Variants in MAP3K4 observed in about 807,000 individuals in gnomAD.
The protein encoded by MAP3K4 is MAP three kinase 1.
MAP3K4 carries 67 observed loss-of-function variants against 185.6 expected under a neutral mutation model. That is an observed-to-expected ratio of 0.36 (90% CI 0.30 to 0.44). MAP3K4 has a LOEUF of 0.44. Among genes scored for constraint, MAP3K4 ranks in the 20% least tolerant of loss-of-function variants. The pLI is 1.00. For synonymous variants in MAP3K4, 702 were observed against 710.4 expected (o/e 0.99, Z 0.19); for missense variants, 1,551 against 1,995.1 (o/e 0.78, Z 4.24).
rs1263552573 is a variant in MAP3K4 at position 161,077,869 on chromosome 6, A to G, written c.2098-3012A>G. Reference sequence around the variant, plus strand: ...TTGCAAACTAAGGGAAAGAGATGGGAAAAAAATATATATATGTATTAATAT... The same window carrying G: ...TTGCAAACTAAGGGAAAGAGATGGGGAAAAAATATATATATGTATTAATAT... On this transcript the variant is annotated intron_variant, in intron 5 of 26. Coordinates refer to ENST00000392142, the MANE Select transcript of MAP3K4 (RefSeq NM_005922.4). The surrounding 1 kb of genome is among the most constrained non-coding windows in gnomAD (Gnocchi z 4.3). Among the ~76,000 whole-genome samples the G allele has an allele frequency of 1.3e-5, 2 of 152,176 alleles. No homozygotes were observed. The highest frequency in any genetic ancestry group is 4.8e-5 in the African/African-American group (2 of 41,522).
At chr6:161,025,711 A>G (rs1475273015) in intron 1 of MAP3K4, among the ~76,000 whole-genome samples, 1 of 152,254 alleles carries the variant, frequency 6.6e-6, no homozygotes, top group Non-Finnish European at 1.5e-5. Flanking sequence ...GGAGATTTTA[A>G]AAAATGTTCT....
At position 161,080,726 on chromosome 6, in the gene MAP3K4, A is replaced by G; in HGVS notation, c.2098-155A>G. The G allele has an allele frequency of 1.6e-6, 1 of 629,792 alleles. No individual in the cohort carries two copies. The highest frequency in any genetic ancestry group is 1.9e-5 in the South Asian group (1 of 53,438). 39.0% of individuals were successfully genotyped at this position (629,792 alleles called of 1,614,324 possible). A position where few individuals can be genotyped will look rare whatever the true frequency, so the allele number is the denominator to read the frequency against. ...AAAATCCTCATTTAGACCTCAGCTAACAGTGGTGAGAACCTTGCTTCTGTC... is the reference window on the plus strand; with the variant it reads ...AAAATCCTCATTTAGACCTCAGCTAGCAGTGGTGAGAACCTTGCTTCTGTC... On this transcript the variant is annotated intron_variant, in intron 5 of 26. Transcript: ENST00000392142. The surrounding 1 kb of genome is among the most constrained non-coding windows in gnomAD (Gnocchi z 4.8).
chr6:161,080,677 G>A lies in MAP3K4; in HGVS notation c.2098-204G>A, dbSNP rs1785408529. The A allele has an allele frequency of 1.2e-5, 6 of 521,204 alleles. No individual in the cohort carries two copies. The highest frequency in any genetic ancestry group is 2.3e-5 in the South Asian group (1 of 43,562). The allele number at this position is 521,204 out of a possible 1,614,324, so 32.3% of individuals were successfully genotyped here. A position where few individuals can be genotyped will look rare whatever the true frequency, so the allele number is the denominator to read the frequency against. ...TGTCAATAATATGTTAAATTGCTGG[G>A]GAGTTAGTTTTGTGATTTTTTAAAA... is the stretch of plus-strand genomic sequence containing the variant. On this transcript the variant is annotated intron_variant, in intron 5 of 26. Coordinates refer to ENST00000392142, the MANE Select transcript of MAP3K4 (RefSeq NM_005922.4). This position sits in a 1 kb window ranked among gnomAD's most constrained non-coding sequence, Gnocchi z 4.8.
chr6:160,998,621 G>A (rs915824539), intron 1 of MAP3K4, among the ~76,000 whole-genome samples: 23 of 152,012 alleles, frequency 1.5e-4, no homozygotes, highest in African/African-American at 5.6e-4. Context: ...CTTCAGCTTG[G>A]GTAATAGAGT....
intron 18 of MAP3K4, among the ~76,000 whole-genome samples, 199 bp downstream of exon 18, chr6:161,102,191 GC>G (rs1777867577): frequency 6.6e-6 from 1 of 152,158 alleles, no homozygotes; most frequent in Non-Finnish European, 1.5e-5. Context: ...TAATACAGAT[GC>G]CTTTTTAGCC....
chr6:161,055,552 T>TTAAA (rs1784192470), intron 3 of MAP3K4, among the ~76,000 whole-genome samples: 1 of 152,232 alleles, frequency 6.6e-6, no homozygotes, highest in South Asian at 2.1e-4. Context: ...CAAAGTGCTG[T>TTAAA]TAACTAAACT....
chr6:161,039,279 C>CAAAAAAAAAAAAAAAAA (rs3050259), intron 2 of MAP3K4, among the ~76,000 whole-genome samples: 5 of 71,946 alleles, frequency 6.9e-5, no homozygotes, highest in Non-Finnish European at 1.1e-4. Context: ...CGCAAAAATG[C>CAAAAAAAAAAAAAAAAA]AAAAAAAAAA....
intron 3 of MAP3K4, among the ~76,000 whole-genome samples, chr6:161,055,503 C>A (rs1051913437): frequency 1.3e-5 from 2 of 152,158 alleles, no homozygotes; most frequent in Non-Finnish European, 2.9e-5. Context: ...TTCTCACTTA[C>A]CCAATACATT....
chr6:161,104,370 C>T (rs532233798), intron 19 of MAP3K4, among the ~76,000 whole-genome samples: 9 of 144,604 alleles, frequency 6.2e-5, no homozygotes, highest in East Asian at 4.1e-4. Context: ...GCTGAGATCG[C>T]GCCATCACAC....
intron 1 of MAP3K4, among the ~76,000 whole-genome samples, chr6:161,023,785 A>G (rs1782511345): frequency 6.6e-6 from 1 of 152,152 alleles, no homozygotes; most frequent in Non-Finnish European, 1.5e-5. Flanking sequence ...CACAATTACC[A>G]GTGTATCTGT....
chr6:161,105,366 C>G (rs1778020260), intron 19 of MAP3K4, among the ~76,000 whole-genome samples: 1 of 152,134 alleles, frequency 6.6e-6, no homozygotes, highest in Non-Finnish European at 1.5e-5. Context: ...TTCATGAAAT[C>G]CTCACAGTAG....
chr6:161,090,730 T>A (rs555477194), intron 11 of MAP3K4, among the ~76,000 whole-genome samples: 2 of 66,764 alleles, frequency 3.0e-5, no homozygotes, highest in Admixed American at 2.0e-4. Context: ...CATTGTAGGA[T>A]GTTTAGAGCC....
chr6:161,044,819 A>G (rs551710218), intron 2 of MAP3K4, among the ~76,000 whole-genome samples: 1 of 152,318 alleles, frequency 6.6e-6, no homozygotes, highest in African/African-American at 2.4e-5. Context: ...GGAAGCAGGC[A>G]TGTCACATGG....
At chr6:161,009,861 C>T (rs187527342) in intron 1 of MAP3K4, among the ~76,000 whole-genome samples, 46 of 152,040 alleles carry the variant, frequency 3.0e-4, no homozygotes, top group East Asian at 2.5e-3. Context: ...TGGGGCCTGT[C>T]GGGGGAAGGA....
chr6:161,028,891 T>G (rs1202723042), intron 1 of MAP3K4, among the ~76,000 whole-genome samples: 1 of 152,172 alleles, frequency 6.6e-6, no homozygotes, highest in Non-Finnish European at 1.5e-5. Context: ...TAACTAACAT[T>G]GATAAATTGA....
chr6:161,086,724 A>G lies in MAP3K4; in HGVS notation c.2556+57A>G. ...TTTGCCTTTCCTTCTTTATTCTAAA[A>G]CAGGCAGACTTTTTCTTGAAGGTCC... On this transcript the variant is annotated intron_variant, in intron 9 of 26. Coordinates refer to ENST00000392142, the MANE Select transcript of MAP3K4 (RefSeq NM_005922.4). The surrounding 1 kb of genome is among the most constrained non-coding windows in gnomAD (Gnocchi z 4.8). 2 of 1,409,554 alleles carry G rather than the reference A, an allele frequency of 1.4e-6. No individual in the cohort carries two copies. Among genetic ancestry groups the G allele is most frequent in the East Asian group, 2.3e-5 (1 of 43,378 alleles). The allele number at this position is 1,409,554 out of a possible 1,614,324, so 87.3% of individuals were successfully genotyped here.
chr6:161,018,250 A>C (rs1782206672), intron 1 of MAP3K4, among the ~76,000 whole-genome samples: 1 of 152,206 alleles, frequency 6.6e-6, no homozygotes, highest in Non-Finnish European at 1.5e-5. Context: ...AAAGAGCTCC[A>C]GAAAATTTAT....
In MAP3K4 at chr6:161,017,226, G is replaced by C. The variant is rs756680868; in HGVS notation, c.153-17033G>C. 2.0e-5 allele frequency among the ~76,000 whole-genome samples: 3 copies of C among 152,054 alleles called. No individual in the cohort carries two copies. Among genetic ancestry groups the C allele is most frequent in the Non-Finnish European group, 2.9e-5 (2 of 67,998 alleles). ...GGATACATTTGTATAATTAAATGTA[G>C]GTTTTCGGAAATTGAGTGTTTCCTG... is the stretch of plus-strand genomic sequence containing the variant. On this transcript the variant is annotated intron_variant, in intron 1 of 26. Transcript: ENST00000392142. The surrounding 1 kb of genome is among the most constrained non-coding windows in gnomAD (Gnocchi z 5.1).
chr6:161,069,626 T>C (rs1784848098), intron 3 of MAP3K4, among the ~76,000 whole-genome samples: 1 of 152,138 alleles, frequency 6.6e-6, no homozygotes, highest in African/African-American at 2.4e-5. Flanking sequence ...CATTCATGAA[T>C]GCAGCAACAA....
Sources: gnomAD v4.1 joint callset for allele counts (sites outside exome capture counted in the v4.1 genomes callset) on GRCh38, gnomAD v4.1.1 for gene constraint, Gnocchi (gnomAD v3.1) non-coding constraint, MANE v1.5 for transcripts, NCBI Gene and HGNC (gene_info 2026-07-23, HGNC 2026-07-21) for gene names.